Variants in WASHC2C observed in about 807,000 individuals in gnomAD.
WASHC2C encodes Vaccinia Penetration Factor.
Under a neutral mutation model 142.2 loss-of-function variants are expected in WASHC2C, and 73 were observed. That is an observed-to-expected ratio of 0.51 (90% confidence interval 0.43 to 0.62). The LOEUF (loss-of-function observed/expected upper bound fraction) is 0.62. Among genes scored for constraint, WASHC2C ranks in the 20% least tolerant of loss-of-function variants. WASHC2C has a pLI of 0.00. For missense variants in WASHC2C, 969 were observed against 1,531.7 expected, an observed-to-expected ratio of 0.63 and a Z score of 6.13; for synonymous variants, 337 against 565.5, an observed-to-expected ratio of 0.60 and a Z score of 5.73.
rs1268235944 is a variant in WASHC2C at position 45,757,021 on chromosome 10, A to C, written c.1430A>C (p.Gln477Pro). The C allele has an allele frequency of 1.9e-6, 3 of 1,600,146 alleles. No homozygotes were observed. The highest frequency in any genetic ancestry group is 1.7e-6 in the Non-Finnish European group (2 of 1,172,844). Residue 477 changes from glutamine to proline, a missense_variant, in exon 16 of 31, where the codon CAA becomes CCA. By Grantham distance (76) the Gln-to-Pro change is moderately conservative. Coordinates refer to ENST00000623400, the MANE Select transcript of WASHC2C (RefSeq NM_001330074.2). ...HSKPSKTRKV[Q>P]STADIFGDEE... ...TTGGTATTTTTTACAGGCAAAGTCC[A>C]ATCCACTGCCGATATCTTTGGTGAC...
At chr10:45,727,200 A>C (rs1486086814), upstream of WASHC2C, 3 of 1,473,776 alleles carry the variant, frequency 2.0e-6, no homozygotes, top group African/African-American at 4.3e-5. Flanking sequence ...GTCACGTGAC[A>C]TCAGGTCACG....
chr10:45,756,729 T>C (rs1363836634), intron 15 of WASHC2C, among the ~76,000 whole-genome samples: 1 of 152,262 alleles, frequency 6.6e-6, no homozygotes, highest in East Asian at 1.9e-4. Flanking sequence ...CTTCACCTTG[T>C]AAGCCAGTCC....
intron 14 of WASHC2C, 117 bp from the exon 15 acceptor site, chr10:45,754,819 A>G (rs2054039407): frequency 9.6e-6 from 13 of 1,353,142 alleles, no homozygotes; most frequent in Non-Finnish European, 1.3e-5. Context: ...GGGCCCTGTT[A>G]TGCATTTTGT....
At chr10:45,783,224 T>G (rs1385427060) in intron 23 of WASHC2C, among the ~76,000 whole-genome samples, 4 of 151,706 alleles carry the variant, frequency 2.6e-5, no homozygotes, top group African/African-American at 9.7e-5. Context: ...TTTTTTGTTA[T>G]ACCAATACTA....
intron 1 of WASHC2C, 25 bp downstream of exon 1, chr10:45,727,345 G>A: frequency 3.8e-6 from 6 of 1,594,738 alleles, no homozygotes; most frequent in Non-Finnish European, 5.1e-6. Context: ...CCGGAGAGGG[G>A]CCGGCCTGGG....
intron 17 of WASHC2C, among the ~76,000 whole-genome samples, chr10:45,760,047 C>A (rs1245586342): frequency 1.3e-5 from 2 of 149,310 alleles, no homozygotes; most frequent in Non-Finnish European, 3.0e-5. Flanking sequence ...CACATTCTCA[C>A]TAACTAGACC....
chr10:45,737,887 G>C (rs561018018), intron 3 of WASHC2C, 96 bp from the exon 4 acceptor site: 29 of 1,608,828 alleles, frequency 1.8e-5, no homozygotes, highest in Admixed American at 1.3e-4. Context: ...ATTTCCTTCC[G>C]CATCTTTGTC....
At chr10:45,744,479 C>T (rs1360756912) in intron 6 of WASHC2C, among the ~76,000 whole-genome samples, 8 of 144,994 alleles carry the variant, frequency 5.5e-5, no homozygotes, top group African/African-American at 2.0e-4. Context: ...GTCCGGGACT[C>T]AATCCAGGAC....
chr10:45,764,874 T>A (rs1377244235), intron 18 of WASHC2C, among the ~76,000 whole-genome samples: 3 of 151,862 alleles, frequency 2.0e-5, no homozygotes, highest in Admixed American at 6.6e-5. Flanking sequence ...AGCTCATTAT[T>A]CTCCTGGCCT....
intron 17 of WASHC2C, among the ~76,000 whole-genome samples, chr10:45,761,205 G>C (rs2135064431): frequency 6.6e-6 from 1 of 151,974 alleles, no homozygotes; most frequent in South Asian, 2.1e-4. Context: ...GGGGCCCCTG[G>C]GACATCTCTC....
chr10:45,792,690 C>A lies in WASHC2C; in HGVS notation c.*290C>A. ...CTTCAGGGTGTGTAAAAGAAGAAATCTCTTTGTGGCTTTCATGGGCAGGGA... is the reference window on the plus strand; with the variant it reads ...CTTCAGGGTGTGTAAAAGAAGAAATATCTTTGTGGCTTTCATGGGCAGGGA... On this transcript the variant is annotated 3_prime_UTR_variant, in exon 31 of 31. Transcript: ENST00000623400. 4 of 521,510 alleles carry A rather than the reference C, an allele frequency of 7.7e-6. No individual in the cohort carries two copies. The highest frequency in any genetic ancestry group is 5.9e-5 in the South Asian group (3 of 50,874). The allele number at this position is 521,510 out of a possible 1,614,324, so 32.3% of individuals were successfully genotyped here.
At chr10:45,742,568 A>T (rs2134321495) in intron 5 of WASHC2C, among the ~76,000 whole-genome samples, 1 of 152,296 alleles carries the variant, frequency 6.6e-6, no homozygotes, top group South Asian at 2.1e-4. Context: ...CATCTGCCTC[A>T]GCCTCCCAAA....
In WASHC2C at chr10:45,727,300, C is replaced by T. The variant is rs947013020; in HGVS notation, c.-18C>T. The stretch of plus-strand genomic sequence containing the variant: ...CCTGTGCTGGCAGCCTCGGAGCCCA[C>T]CGAGCCGGGCGGCTGGGATGGTGAG... On this transcript the variant is annotated 5_prime_UTR_variant, in exon 1 of 31. Coordinates refer to ENST00000623400, the MANE Select transcript of WASHC2C (RefSeq NM_001330074.2). 8 of 1,564,114 alleles carry T rather than the reference C, an allele frequency of 5.1e-6. No individual in the cohort carries two copies. The highest frequency in any genetic ancestry group is 6.9e-6 in the Non-Finnish European group (8 of 1,155,810).
intron 18 of WASHC2C, among the ~76,000 whole-genome samples, chr10:45,765,458 CT>C (rs1256843837): frequency 6.7e-6 from 1 of 149,364 alleles, no homozygotes; most frequent in Non-Finnish European, 1.5e-5. Context: ...TTATATGCAG[CT>C]GTTCTGCCTT....
chr10:45,748,974 G>A (rs1554872627), intron 8 of WASHC2C, among the ~76,000 whole-genome samples: 2 of 152,182 alleles, frequency 1.3e-5, no homozygotes, highest in African/African-American at 4.8e-5. Context: ...CAGAGGGGGC[G>A]GGGCTTGGTA....
At chr10:45,730,626 CTT>C (rs782754823) in intron 3 of WASHC2C, among the ~76,000 whole-genome samples, 1 of 130,828 alleles carries the variant, frequency 7.6e-6, no homozygotes. Context: ...TGGGAAGTTT[CTT>C]TTTTTTTTTG....
Position 45,750,777 on chromosome 10 carries a change from A to G in WASHC2C, c.870A>G (p.Ala290=). The G allele has an allele frequency of 6.5e-7, 1 of 1,548,998 alleles. No homozygotes were observed. The highest frequency in any genetic ancestry group is 8.7e-7 in the Non-Finnish European group (1 of 1,147,164). The part of the protein sequence containing the change: ...RPKRSRPTSF[A]DELAARIKGD... ...AAAGAAGCAGACCTACATCGTTTGC[A>G]GATGAGCTGGCTGCCCGCATCAAGG... The change falls in exon 10 of 31, where the codon GCA becomes GCG. Residue 290 remains alanine (A), a synonymous_variant. Coordinates refer to ENST00000623400, the MANE Select transcript of WASHC2C (RefSeq NM_001330074.2).
At chr10:45,731,961 AT>A (rs1196845220) in intron 3 of WASHC2C, among the ~76,000 whole-genome samples, 1 of 151,196 alleles carries the variant, frequency 6.6e-6, no homozygotes, top group East Asian at 2.0e-4. Flanking sequence ...CACCTGGCTA[AT>A]TTTTTTTGCA....
At chr10:45,775,970 G>A (rs1230076218) in intron 21 of WASHC2C, among the ~76,000 whole-genome samples, 4 of 152,086 alleles carry the variant, frequency 2.6e-5, no homozygotes, top group Non-Finnish European at 4.4e-5. Context: ...GTGAGCCACC[G>A]TGCCCGGCCT....
Sources: gnomAD v4.1 joint callset for allele counts (sites outside exome capture counted in the v4.1 genomes callset) on GRCh38, gnomAD v4.1.1 for gene constraint, MANE v1.5 for transcripts, NCBI Gene and HGNC (gene_info 2026-07-23, HGNC 2026-07-21) for gene names.